Variants in DDAH1 observed in about 807,000 individuals in gnomAD.
DDAH1 encodes dimethylarginine dimethylaminohydrolase 1.
DDAH1 carries 19 observed loss-of-function variants against 28.8 expected under a neutral mutation model. The ratio of observed to expected loss-of-function variants is 0.66; its 90% CI spans 0.46 to 0.97. The LOEUF (loss-of-function observed/expected upper bound fraction) is 0.97. Ranked by LOEUF, DDAH1 falls within the 50% of genes least tolerant of loss-of-function variation. The probability of loss-of-function intolerance (pLI) is 0.00; values close to 1 mark genes in which losing one functional copy is unlikely to be tolerated. For missense variants in DDAH1, 326 were observed against 375.9 expected (o/e 0.87, Z 1.10); for synonymous variants, 153 against 154.4 (o/e 0.99, Z 0.07).
At chr1:85,483,413 G>A (rs1262475489) in intron 2 of DDAH1, among the ~76,000 whole-genome samples, 1 of 151,962 alleles carries the variant, frequency 6.6e-6, no homozygotes, top group Non-Finnish European at 1.5e-5. Context: ...TTTGCCTTTC[G>A]TGAACTTCAA....
chr1:85,408,272 C>A (rs1652498848), intron 1 of DDAH1, among the ~76,000 whole-genome samples: 1 of 148,762 alleles, frequency 6.7e-6, no homozygotes, highest in Non-Finnish European at 1.5e-5. Flanking sequence ...CATCTTTCCC[C>A]TTACCTTTTT....
chr1:85,555,515 T>C lies in DDAH1; in HGVS notation c.-123+22469A>G, dbSNP rs142635350. ...CTTCAAGAGGCCTGTGATTTTAACA[T>C]GTCCTCATCTACTCGCCTCATTATT... is the stretch of plus-strand genomic sequence containing the variant. On this transcript the variant is annotated intron_variant, in intron 1 of 6. Coordinates refer to the DDAH1 transcript ENST00000426972. Among the ~76,000 whole-genome samples the C allele has an allele frequency of 4.0e-4, 61 of 152,298 alleles. 1 individual carries two copies. The East Asian group carries it at 9.8e-3, about 25-fold the overall frequency.
chr1:85,397,922 C>T (rs533563010), intron 1 of DDAH1, among the ~76,000 whole-genome samples: 10 of 152,128 alleles, frequency 6.6e-5, no homozygotes, highest in East Asian at 5.8e-4. Flanking sequence ...AGCCCCTCAC[C>T]GGAAGTTGAG....
chr1:85,419,802 C>T (rs866858935), intron 1 of DDAH1, among the ~76,000 whole-genome samples: 8 of 152,266 alleles, frequency 5.3e-5, no homozygotes, highest in African/African-American at 1.9e-4. Flanking sequence ...CCTCCCTAGG[C>T]TTCTCTTGGC....
chr1:85,380,111 C>G (rs1650909399), intron 1 of DDAH1, among the ~76,000 whole-genome samples: 1 of 152,196 alleles, frequency 6.6e-6, no homozygotes, highest in Non-Finnish European at 1.5e-5. Flanking sequence ...TCTCAATCTT[C>G]TCCTTGAAGC....
At chr1:85,437,310 C>T (rs1445074138) in intron 1 of DDAH1, among the ~76,000 whole-genome samples, 2 of 152,142 alleles carry the variant, frequency 1.3e-5, no homozygotes, top group African/African-American at 4.8e-5. Flanking sequence ...CCAGTATCAA[C>T]TGCCGGATAT....
At chr1:85,490,852 G>A (rs1656369886) in intron 2 of DDAH1, among the ~76,000 whole-genome samples, 1 of 152,162 alleles carries the variant, frequency 6.6e-6, no homozygotes, top group Non-Finnish European at 1.5e-5. Context: ...TGGCTGGGCA[G>A]TCCATGTGAC....
intron 1 of DDAH1, among the ~76,000 whole-genome samples, chr1:85,370,762 AATTGAGTGG>A (rs1186953253): frequency 2.0e-5 from 3 of 152,132 alleles, no homozygotes; most frequent in Non-Finnish European, 2.9e-5. Flanking sequence ...TGTCTTGAGC[AATTGAGTGG>A]ATAGGTGTAC....
intron 1 of DDAH1, among the ~76,000 whole-genome samples, chr1:85,367,878 G>A (rs757597982): frequency 6.6e-6 from 1 of 152,108 alleles, no homozygotes; most frequent in African/African-American, 2.4e-5. Flanking sequence ...CAACCCTAGA[G>A]CCCTGGAGTT....
At chr1:85,531,464 T>C (rs563727186) in intron 1 of DDAH1, among the ~76,000 whole-genome samples, 2 of 152,382 alleles carry the variant, frequency 1.3e-5, no homozygotes, top group African/African-American at 4.8e-5. Context: ...TTTTAGTGAA[T>C]AATAGTGGGG....
At chr1:85,481,845 C>T (rs988061630) in intron 2 of DDAH1, among the ~76,000 whole-genome samples, 2 of 152,224 alleles carry the variant, frequency 1.3e-5, no homozygotes, top group Non-Finnish European at 2.9e-5. Context: ...CTCTTCTCTC[C>T]TCATCTTGGT....
In DDAH1 at chr1:85,339,922, T is replaced by C. The variant is rs545759766; in HGVS notation, c.597+10493A>G. ...TGTTGGCATGGCTGAGACTATCACA[T>C]AGGTCATGCTGTGATGTACGATCTC... On this transcript the variant is annotated intron_variant, in intron 4 of 5. Transcript: ENST00000284031. Among the ~76,000 whole-genome samples, 15 of 152,268 alleles carry C rather than the reference T, an allele frequency of 9.9e-5. No homozygotes were observed. The South Asian group carries it at 2.1e-3, about 21-fold the overall frequency.
rs757424378 is a variant in DDAH1, at chr1:85,350,405, T to C, written c.597+10A>G. The C allele has an allele frequency of 3.7e-6, 6 of 1,611,578 alleles. No individual in the cohort carries two copies. Among genetic ancestry groups the C allele is most frequent in the Admixed American group, 3.4e-5 (2 of 59,366 alleles). On this transcript the variant is annotated intron_variant, in intron 4 of 5. Coordinates refer to ENST00000284031, the MANE Select transcript of DDAH1 (RefSeq NM_012137.4). ...CACTACATTTAGAAGGAGCACAGTTTTGTATTTACCTTAAGGGCCTTCTGT... is the reference window on the plus strand; with the variant it reads ...CACTACATTTAGAAGGAGCACAGTTCTGTATTTACCTTAAGGGCCTTCTGT...
chr1:85,454,892 C>T (rs75766273), intron 1 of DDAH1, among the ~76,000 whole-genome samples: 2,564 of 152,068 alleles, frequency 0.017, 70 homozygotes, highest in East Asian at 0.12. Context: ...TTAGGGAGGC[C>T]GAAGCCTTAA....
At chr1:85,410,691 G>T (rs1388806006) in intron 1 of DDAH1, among the ~76,000 whole-genome samples, 2 of 151,796 alleles carry the variant, frequency 1.3e-5, no homozygotes, top group African/African-American at 2.4e-5. Flanking sequence ...TGGGGTTCAG[G>T]TACTGAGTAT....
intron 1 of DDAH1, chr1:85,399,901 TG>T (rs1651987677): frequency 6.6e-6 from 1 of 152,188 alleles, no homozygotes; most frequent in Admixed American, 6.5e-5. Flanking sequence ...GCAAATTTAT[TG>T]TATTTTATGG....
chr1:85,479,302 T>C (rs969564918), intron 2 of DDAH1, among the ~76,000 whole-genome samples: 1 of 150,794 alleles, frequency 6.6e-6, no homozygotes, highest in Non-Finnish European at 1.5e-5. Flanking sequence ...GCCTCCCGAG[T>C]AGCTGGGACT....
chr1:85,555,567 ATTGAACAGCATATC>A (rs1412272725), intron 1 of DDAH1, among the ~76,000 whole-genome samples: 89 of 152,280 alleles, frequency 5.8e-4, no homozygotes, highest in African/African-American at 2.0e-3. Flanking sequence ...CAGGGGAGGG[ATTGAACAGCATATC>A]TAAGATATAA....
rs12032207 is a variant in DDAH1, at chr1:85,484,248, A to C, written c.-7+11918T>G. On this transcript the variant is annotated intron_variant, in intron 2 of 6. Coordinates refer to the DDAH1 transcript ENST00000426972. Reference sequence around the variant, plus strand: ...ACATAGCTGGTTCAGGATAAATTTTATCTATCTACCTATTTATTTATGTTT... The same window carrying C: ...ACATAGCTGGTTCAGGATAAATTTTCTCTATCTACCTATTTATTTATGTTT... 2.7e-4 allele frequency among the ~76,000 whole-genome samples: 41 copies of C among 150,888 alleles called. No individual in the cohort carries two copies. In the East Asian group the frequency reaches 7.7e-3, roughly 28 times the overall value.
Sources: gnomAD v4.1 joint callset for allele counts (sites outside exome capture counted in the v4.1 genomes callset) on GRCh38, gnomAD v4.1.1 for gene constraint, MANE v1.5 for transcripts, NCBI Gene and HGNC (gene_info 2026-07-23, HGNC 2026-07-21) for gene names.